UBE2H: variants seen among roughly 807,000 people sequenced by gnomAD.
UBE2H encodes the protein ubiquitin-conjugating enzyme E2 H.
A neutral mutation model predicts 29.0 loss-of-function variants in UBE2H; 3 were observed. That is an observed-to-expected ratio of 0.10 (90% CI 0.05 to 0.27). The LOEUF (loss-of-function observed/expected upper bound fraction) is 0.27. Ranked by LOEUF, UBE2H falls within the 10% of genes least tolerant of loss-of-function variation. The probability of loss-of-function intolerance (pLI) is 1.00; values close to 1 mark genes in which losing one functional copy is unlikely to be tolerated. For synonymous variants in UBE2H, 69 were observed against 82.9 expected (o/e 0.83, Z 0.91); for missense variants, 68 against 228.2 (o/e 0.30, Z 4.52).
At chr7:129,906,873 A>G (rs925505306) in intron 1 of UBE2H, among the ~76,000 whole-genome samples, 13 of 152,214 alleles carry the variant, frequency 8.5e-5, no homozygotes, top group African/African-American at 1.7e-4. Flanking sequence ...CCAAAAGTCC[A>G]AAGTCCATGA....
intron 1 of UBE2H, among the ~76,000 whole-genome samples, chr7:129,930,513 G>A (rs1390382029): frequency 2.0e-5 from 3 of 149,622 alleles, no homozygotes; most frequent in Admixed American, 6.7e-5. Flanking sequence ...ACTTACGCCT[G>A]TAATCCCAGT....
intron 1 of UBE2H, among the ~76,000 whole-genome samples, chr7:129,907,020 AT>A (rs1806832072): frequency 6.6e-6 from 1 of 152,200 alleles, no homozygotes; most frequent in African/African-American, 2.4e-5. Flanking sequence ...CTCTACGTCA[AT>A]GGTACAACAG....
Position 129,911,081 on chromosome 7 carries a change from C to T in UBE2H, c.54-30110G>A, listed in dbSNP as rs557060517. On this transcript the variant is annotated intron_variant, in intron 1 of 6. Coordinates refer to ENST00000355621, the MANE Select transcript of UBE2H (RefSeq NM_003344.4). ...TGGGGGAGAGAATAAAGAGGCAGAA[C>T]AGGTCAGGCATGGTGACTCATGCCT... 1.1e-4 allele frequency among the ~76,000 whole-genome samples: 17 copies of T among 151,116 alleles called. No individual in the cohort carries two copies. The East Asian group carries it at 3.4e-3, about 30-fold the overall frequency.
intron 1 of UBE2H, among the ~76,000 whole-genome samples, chr7:129,937,959 ATT>A (rs1405091333): frequency 6.6e-6 from 1 of 152,132 alleles, no homozygotes; most frequent in Non-Finnish European, 1.5e-5. Context: ...TCAAACACAT[ATT>A]GTGTTCAATG....
chr7:129,909,589 C>T (rs748784316), intron 1 of UBE2H, among the ~76,000 whole-genome samples: 3 of 152,156 alleles, frequency 2.0e-5, no homozygotes, highest in Non-Finnish European at 2.9e-5. Context: ...GGAGTGGTGG[C>T]TCACGCCTGT....
chr7:129,854,286 T>G (rs1347311299), intron 5 of UBE2H, among the ~76,000 whole-genome samples: 1 of 152,182 alleles, frequency 6.6e-6, no homozygotes, highest in Non-Finnish European at 1.5e-5. Context: ...AACGAACATA[T>G]TCTACCAGTA....
intron 5 of UBE2H, among the ~76,000 whole-genome samples, chr7:129,848,585 T>G (rs1805553143): frequency 6.6e-6 from 1 of 152,238 alleles, no homozygotes; most frequent in African/African-American, 2.4e-5. Flanking sequence ...TTTTGGTCAT[T>G]ATAGTTGAAA....
At chr7:129,899,627 A>C (rs1478213886) in intron 1 of UBE2H, among the ~76,000 whole-genome samples, 2 of 152,194 alleles carry the variant, frequency 1.3e-5, no homozygotes, top group African/African-American at 4.8e-5. Flanking sequence ...CTAAGATATG[A>C]AGCACCTTTC....
chr7:129,836,003 AT>A (rs1470616729), intron 6 of UBE2H, among the ~76,000 whole-genome samples: 40 of 152,222 alleles, frequency 2.6e-4, no homozygotes, highest in African/African-American at 8.9e-4. Context: ...TTAAAAAATA[AT>A]AAACAGAATG....
At chr7:129,945,668 A>C (rs1327085175) in intron 1 of UBE2H, among the ~76,000 whole-genome samples, 2 of 152,236 alleles carry the variant, frequency 1.3e-5, no homozygotes, top group Non-Finnish European at 2.9e-5. Flanking sequence ...TGTTAATTTC[A>C]ATCTTATTCA....
chr7:129,897,742 G>GGCA (rs1380117512), intron 1 of UBE2H, among the ~76,000 whole-genome samples: 1 of 151,722 alleles, frequency 6.6e-6, no homozygotes, highest in Non-Finnish European at 1.5e-5. Flanking sequence ...ATTTATGAGA[G>GGCA]GCAGTACCCA....
rs375254487 is a variant in UBE2H at position 129,860,626 on chromosome 7, G to A, written c.206-1685C>T. The stretch of plus-strand genomic sequence containing the variant: ...ATGGGATAGGGTTGGATAAAGGGGA[G>A]TACATCCATCTACCTGAGTCCTATA... On this transcript the variant is annotated intron_variant, in intron 3 of 6. Transcript: ENST00000355621. 2.6e-5 allele frequency among the ~76,000 whole-genome samples: 4 copies of A among 151,956 alleles called. No individual in the cohort carries two copies. In the East Asian group the frequency reaches 5.8e-4, roughly 22 times the overall value.
At chr7:129,915,471 T>C (rs1807025276) in intron 1 of UBE2H, among the ~76,000 whole-genome samples, 1 of 151,988 alleles carries the variant, frequency 6.6e-6, no homozygotes, top group Non-Finnish European at 1.5e-5. Flanking sequence ...GAGGCGGAGT[T>C]TGCAGTGAGC....
intron 1 of UBE2H, among the ~76,000 whole-genome samples, chr7:129,897,917 A>T (rs192650596): frequency 1.1e-3 from 163 of 152,330 alleles, no homozygotes; most frequent in African/African-American, 3.5e-3. Flanking sequence ...TAATACGTTC[A>T]AATAGCTATT....
At chr7:129,874,588 C>A (rs1168665062) in intron 3 of UBE2H, among the ~76,000 whole-genome samples, 1 of 152,242 alleles carries the variant, frequency 6.6e-6, no homozygotes, top group East Asian at 1.9e-4. Flanking sequence ...GGATTACTGG[C>A]GTGAGCCACC....
chr7:129,860,518 T>TA (rs1410945259), intron 3 of UBE2H, among the ~76,000 whole-genome samples: 1 of 152,168 alleles, frequency 6.6e-6, no homozygotes, highest in Non-Finnish European at 1.5e-5. Context: ...AGAAAAATAC[T>TA]AATACACATG....
At position 129,870,857 on chromosome 7, in the gene UBE2H, C is replaced by A. The variant is rs971955691; in HGVS notation, c.205+8711G>T. Among the ~76,000 whole-genome samples the A allele has an allele frequency of 1.7e-3, 253 of 152,322 alleles. 2 individuals are homozygous for A. Among genetic ancestry groups the A allele is most frequent in the African/African-American group, 5.8e-3 (241 of 41,570 alleles). ...ACTCAACCCTGCCTGCCACTTGGCC[C>A]GTGTGTCACACACCTCACATTTTAC... On this transcript the variant is annotated intron_variant, in intron 3 of 6. Coordinates refer to ENST00000355621, the MANE Select transcript of UBE2H (RefSeq NM_003344.4).
intron 3 of UBE2H, among the ~76,000 whole-genome samples, chr7:129,866,508 C>T (rs1759290046): frequency 6.6e-6 from 1 of 152,134 alleles, no homozygotes; most frequent in Non-Finnish European, 1.5e-5. Context: ...TCAGGCAGTA[C>T]TTATTTTCAT....
intron 1 of UBE2H, among the ~76,000 whole-genome samples, chr7:129,898,892 T>C (rs1467087760): frequency 6.6e-6 from 1 of 151,564 alleles, no homozygotes; most frequent in East Asian, 2.0e-4. Flanking sequence ...CTAGTCCCAC[T>C]GCCTAGATAC....
Sources: allele counts gnomAD v4.1 joint callset (sites outside exome capture counted in the v4.1 genomes callset), GRCh38; gene constraint gnomAD v4.1.1; transcripts MANE v1.5; gene names NCBI Gene and HGNC (gene_info 2026-07-23, HGNC 2026-07-21).